ZNF516: variants seen among roughly 807,000 people sequenced by gnomAD.
ZNF516 encodes the protein zinc finger protein 516.
In ZNF516, 19 loss-of-function variants were observed where a neutral mutation model predicts 79.7. The observed-to-expected ratio is 0.24, with a 90% CI of 0.17 to 0.35. The LOEUF (loss-of-function observed/expected upper bound fraction) is 0.35, where lower values mean the gene tolerates loss of function less well. ZNF516 is among the 10% of genes least tolerant of loss of function. ZNF516 has a pLI of 1.00. For missense variants in ZNF516, 1,678 were observed against 1,679.5 expected (o/e 1.00, Z 0.02); for synonymous variants, 877 against 739.5 (o/e 1.19, Z -3.02).
intron 4 of ZNF516, among the ~76,000 whole-genome samples, chr18:76,375,459 G>A (rs1256578069): frequency 6.6e-6 from 1 of 152,084 alleles, no homozygotes; most frequent in Admixed American, 6.5e-5. Context: ...GGATGGGTAG[G>A]TCCCGGAGAC....
rs118137593 is a variant in ZNF516 at position 76,369,532 on chromosome 18, T to G, written c.3432+996A>C. 2.0e-5 allele frequency among the ~76,000 whole-genome samples: 3 copies of G among 152,024 alleles called. No individual in the cohort carries two copies. The East Asian group carries it at 5.8e-4, about 29-fold the overall frequency. On this transcript the variant is annotated intron_variant, in intron 6 of 6. Coordinates refer to ENST00000443185, the MANE Select transcript of ZNF516 (RefSeq NM_014643.4). ...CTTGGTGAAGCCATTTCATGCCTCTTATCTTTTTCCTCTAGAAATAAACTA... is the reference window on the plus strand; with the variant it reads ...CTTGGTGAAGCCATTTCATGCCTCTGATCTTTTTCCTCTAGAAATAAACTA...
intron 3 of ZNF516, among the ~76,000 whole-genome samples, chr18:76,395,696 A>G (rs770580469): frequency 2.6e-5 from 4 of 151,862 alleles, no homozygotes; most frequent in Non-Finnish European, 5.9e-5. Context: ...GAGGCCACGC[A>G]TTCTAGATGA....
At chr18:76,413,822 A>G (rs961872406) in intron 3 of ZNF516, among the ~76,000 whole-genome samples, 3 of 152,218 alleles carry the variant, frequency 2.0e-5, no homozygotes, top group African/African-American at 7.2e-5. Context: ...ATCTTCACGA[A>G]ACCTCATGAA....
chr18:76,457,018 G>T (rs1357797250), intron 2 of ZNF516, among the ~76,000 whole-genome samples: 5 of 152,224 alleles, frequency 3.3e-5, no homozygotes, highest in Admixed American at 6.5e-5. Context: ...AAGACCACAG[G>T]CTTCAGATTT....
intron 3 of ZNF516, among the ~76,000 whole-genome samples, chr18:76,381,038 CCT>C (rs1190564855): frequency 1.3e-5 from 2 of 152,206 alleles, no homozygotes; most frequent in South Asian, 2.1e-4. Context: ...GCTCTGCGCC[CCT>C]GATGGTCGGA....
chr18:76,468,670 T>C (rs148754598), intron 1 of ZNF516, among the ~76,000 whole-genome samples: 1,842 of 152,222 alleles, frequency 0.012, 20 homozygotes, highest in South Asian at 0.034. Context: ...TCTACCCACC[T>C]CGGCCTCCCA....
chr18:76,382,452 G>A (rs1166765337), intron 3 of ZNF516, among the ~76,000 whole-genome samples: 1 of 152,064 alleles, frequency 6.6e-6, no homozygotes, highest in African/African-American at 2.4e-5. Context: ...GACTACTAGT[G>A]GAGTCTGTCA....
Position 76,362,387 on chromosome 18 carries a change from C to T in ZNF516, c.*111G>A, listed in dbSNP as rs1355324280. On this transcript the variant is annotated 3_prime_UTR_variant, in exon 7 of 7. Coordinates refer to ENST00000443185, the MANE Select transcript of ZNF516 (RefSeq NM_014643.4). Reference sequence around the variant, plus strand: ...TGTGAGGTGTCTGCTCAGGAGTTCCCCGGCTGTTCTTCCATGGAGCGGCCA... The same window carrying T: ...TGTGAGGTGTCTGCTCAGGAGTTCCTCGGCTGTTCTTCCATGGAGCGGCCA... 1.9e-6 allele frequency: 2 copies of T among 1,072,400 alleles called. No individual in the cohort carries two copies. Among genetic ancestry groups the T allele is most frequent in the Admixed American group, 2.2e-5 (1 of 46,392 alleles). 66.4% of individuals were successfully genotyped at this position (1,072,400 alleles called of 1,614,324 possible). A position where few individuals can be genotyped will look rare whatever the true frequency, so the allele number is the denominator to read the frequency against.
chr18:76,495,839 T>G (rs902324443), upstream of ZNF516: 1 of 822,064 alleles, frequency 1.2e-6, no homozygotes, highest in African/African-American at 1.9e-5. Flanking sequence ...AACTTCCTGG[T>G]AAATGCCTCT....
intron 2 of ZNF516, among the ~76,000 whole-genome samples, chr18:76,454,771 G>A (rs939807434): frequency 2.6e-5 from 4 of 152,058 alleles, no homozygotes; most frequent in Non-Finnish European, 5.9e-5. Context: ...TTTCCTTGCA[G>A]GAAACAAAAA....
intron 3 of ZNF516, among the ~76,000 whole-genome samples, chr18:76,425,754 A>G (rs1295568246): frequency 5.9e-5 from 9 of 152,226 alleles, no homozygotes; most frequent in Admixed American, 1.3e-4. Flanking sequence ...GGTCCCACAA[A>G]GCAAATGAAA....
chr18:76,371,034 G>A (rs1476389788), intron 5 of ZNF516, among the ~76,000 whole-genome samples: 1 of 152,178 alleles, frequency 6.6e-6, no homozygotes, highest in Non-Finnish European at 1.5e-5. Flanking sequence ...AGGGCTGAGG[G>A]ATTTTGCAGT....
chr18:76,445,583 A>G (rs1911993079), intron 2 of ZNF516, among the ~76,000 whole-genome samples: 1 of 152,246 alleles, frequency 6.6e-6, no homozygotes, highest in Non-Finnish European at 1.5e-5. Context: ...GCGAACAATC[A>G]TATAGAAAAT....
chr18:76,441,194 C>T (rs1410865566), intron 3 of ZNF516, 51 bp downstream of exon 3: 5 of 1,566,160 alleles, frequency 3.2e-6, no homozygotes, highest in Non-Finnish European at 4.3e-6. Context: ...AAGCAGGAAC[C>T]CCCTGAGCCT....
chr18:76,474,047 G>A (rs1373235519), intron 1 of ZNF516, among the ~76,000 whole-genome samples: 1 of 151,970 alleles, frequency 6.6e-6, no homozygotes, highest in Admixed American at 6.6e-5. Context: ...CCCAGCTGTA[G>A]TTATATTACA....
At chr18:76,405,396 G>A (rs918924317) in intron 3 of ZNF516, among the ~76,000 whole-genome samples, 1 of 152,060 alleles carries the variant, frequency 6.6e-6, no homozygotes, top group Non-Finnish European at 1.5e-5. Context: ...ACCCGCATAG[G>A]ACAGGACACT....
intron 4 of ZNF516, among the ~76,000 whole-genome samples, chr18:76,373,389 C>A (rs995808462): frequency 5.3e-5 from 8 of 151,996 alleles, no homozygotes; most frequent in Admixed American, 4.6e-4. Context: ...ATTTTGTTCC[C>A]CCATTCATTT....
upstream of ZNF516, chr18:76,496,361 CGCGTAGCAATCA>C: frequency 7.8e-7 from 1 of 1,289,700 alleles, no homozygotes; most frequent in Non-Finnish European, 1.0e-6. Context: ...AACGTGGCTC[CGCGTAGCAATCA>C]GCGCTGCAAT....
chr18:76,366,400 G>GT (rs2074611982), intron 6 of ZNF516, among the ~76,000 whole-genome samples: 1 of 152,192 alleles, frequency 6.6e-6, no homozygotes, highest in Non-Finnish European at 1.5e-5. Flanking sequence ...AGCAAATGAG[G>GT]TAACTATGCC....
Sources: allele counts gnomAD v4.1 joint callset (sites outside exome capture counted in the v4.1 genomes callset), GRCh38; gene constraint gnomAD v4.1.1; transcripts MANE v1.5; gene names NCBI Gene and HGNC (gene_info 2026-07-23, HGNC 2026-07-21).